Variants in SHQ1 observed in about 807,000 individuals in gnomAD.
SHQ1 encodes the protein SHQ1, H/ACA ribonucleoprotein assembly factor.
In SHQ1, 49 loss-of-function variants were observed where a neutral mutation model predicts 53.8. The observed-to-expected ratio is 0.91, with a 90% CI of 0.72 to 1.16. SHQ1 has a LOEUF of 1.16. Among genes scored for constraint, SHQ1 ranks in the 50% most tolerant of loss-of-function variants. The probability of loss-of-function intolerance (pLI) is 0.00; values close to 1 mark genes in which losing one functional copy is unlikely to be tolerated. For missense variants in SHQ1, 738 were observed against 683.1 expected, an observed-to-expected ratio of 1.08 and a Z score of -0.90; for synonymous variants, 243 against 251.0, an observed-to-expected ratio of 0.97 and a Z score of 0.30.
downstream of SHQ1, among the ~76,000 whole-genome samples, chr3:72,746,442 G>A (rs552075584): frequency 6.6e-6 from 1 of 152,258 alleles, no homozygotes; most frequent in East Asian, 1.9e-4. Context: ...AGGTGTTTTG[G>A]GTTACTGAGC....
intron 4 of SHQ1, among the ~76,000 whole-genome samples, chr3:72,836,019 CTG>C (rs1707980690): frequency 6.6e-6 from 1 of 152,242 alleles, no homozygotes; most frequent in African/African-American, 2.4e-5. Flanking sequence ...ATCTTCTTCA[CTG>C]TATCCCCATC....
At chr3:72,786,505 T>G (rs1706237656) in intron 10 of SHQ1, among the ~76,000 whole-genome samples, 1 of 152,172 alleles carries the variant, frequency 6.6e-6, no homozygotes, top group Admixed American at 6.5e-5. Context: ...CATATTCTTT[T>G]GTCTACTGTC....
chr3:72,734,017 A>T, the SHQ1 span, among the ~76,000 whole-genome samples: 290 of 150,932 alleles, frequency 1.9e-3, 7 homozygotes, highest in African/African-American at 6.7e-3. Flanking sequence ...AAAATACAAA[A>T]ATTAGGCACA....
chr3:72,838,836 G>C lies in SHQ1; in HGVS notation c.486+2209C>G, dbSNP rs567463227. On this transcript the variant is annotated intron_variant, in intron 4 of 10. Coordinates refer to ENST00000325599, the MANE Select transcript of SHQ1 (RefSeq NM_018130.3). ...GGAAACAGAGGGATGTAAACAAAAA[G>C]GGATTAGACAGGAGTCAACTATATT... is the stretch of plus-strand genomic sequence containing the variant. Among the ~76,000 whole-genome samples the C allele has an allele frequency of 2.6e-5, 4 of 152,140 alleles. No individual in the cohort carries two copies. The East Asian group carries it at 7.7e-4, about 29-fold the overall frequency.
chr3:72,750,651 T>C lies in SHQ1; in HGVS notation c.1367A>G (p.Asp456Gly). The change falls in exon 11 of 11, where the codon GAT becomes GGT. Residue 456 changes from aspartate (D) to glycine (G), a missense_variant. By Grantham distance (94) the Asp-to-Gly change is moderately conservative. Coordinates refer to ENST00000325599, the MANE Select transcript of SHQ1 (RefSeq NM_018130.3). ...CACGCTGCTGTCTGAGTCCTCCGAA[T>C]CACTTGCCTCAGAGCTGGAGCAAAG... is the stretch of plus-strand genomic sequence containing the variant. ...QTLCSSSEAS[D>G]SEDSDSSVSS... The C allele has an allele frequency of 6.2e-7, 1 of 1,613,658 alleles. No individual in the cohort carries two copies. Among genetic ancestry groups the C allele is most frequent in the Non-Finnish European group, 8.5e-7 (1 of 1,179,754 alleles).
intron 6 of SHQ1, 104 bp downstream of exon 6, chr3:72,824,320 T>C: frequency 5.9e-6 from 8 of 1,360,972 alleles, no homozygotes; most frequent in Non-Finnish European, 8.0e-6. Flanking sequence ...ATTTTAACAT[T>C]ATAAGGCAAT....
At position 72,791,667 on chromosome 3, in the gene SHQ1, A is replaced by G. The variant is rs185793051; in HGVS notation, c.1181+1249T>C. On this transcript the variant is annotated intron_variant, in intron 10 of 10. Coordinates refer to ENST00000325599, the MANE Select transcript of SHQ1 (RefSeq NM_018130.3). ...ATTGACATTGTAGCTATCATTTTCT[A>G]TAGCACCTAGGAGTCATTCCAATTA... Among the ~76,000 whole-genome samples, 8 of 152,288 alleles carry G rather than the reference A, an allele frequency of 5.3e-5. No individual in the cohort carries two copies. In the East Asian group the frequency reaches 1.5e-3, roughly 29 times the overall value.
At chr3:72,832,724 A>C (rs1707861051) in intron 4 of SHQ1, among the ~76,000 whole-genome samples, 1 of 152,220 alleles carries the variant, frequency 6.6e-6, no homozygotes, top group South Asian at 2.1e-4. Context: ...TGACTGACAG[A>C]TATTAAGGCT....
chr3:72,837,758 C>A (rs903216791), intron 4 of SHQ1, among the ~76,000 whole-genome samples: 2 of 152,206 alleles, frequency 1.3e-5, no homozygotes, highest in Admixed American at 1.3e-4. Context: ...GAATTAGGGT[C>A]ATATTATTAA....
At chr3:72,729,544 G>T in the SHQ1 span, among the ~76,000 whole-genome samples, 1 of 152,132 alleles carries the variant, frequency 6.6e-6, no homozygotes, top group Non-Finnish European at 1.5e-5. Flanking sequence ...TAAAGAAAAA[G>T]ATGCAAAATT....
At chr3:72,758,054 T>C (rs1166874731) in intron 10 of SHQ1, among the ~76,000 whole-genome samples, 5 of 152,208 alleles carry the variant, frequency 3.3e-5, no homozygotes, top group African/African-American at 7.2e-5. Context: ...TTCCATACTT[T>C]AGGTTCCTTG....
rs531601756 is a variant in SHQ1, at chr3:72,837,822, G to A, written c.486+3223C>T. On this transcript the variant is annotated intron_variant, in intron 4 of 10. Transcript: ENST00000325599. ...CTTGTTACGGCTGCCATAAACAGCAGCTGTGAATGAAGAAGAACTCTACAA... is the reference window on the plus strand; with the variant it reads ...CTTGTTACGGCTGCCATAAACAGCAACTGTGAATGAAGAAGAACTCTACAA... Among the ~76,000 whole-genome samples, 35 of 152,364 alleles carry A rather than the reference G, an allele frequency of 2.3e-4. No individual in the cohort carries two copies. The South Asian group carries it at 6.8e-3, about 30-fold the overall frequency.
the SHQ1 span, among the ~76,000 whole-genome samples, chr3:72,743,759 G>C: frequency 6.6e-6 from 1 of 152,180 alleles, no homozygotes; most frequent in African/African-American, 2.4e-5. Flanking sequence ...ATCCAAAGCT[G>C]AAACAGATAC....
intron 4 of SHQ1, among the ~76,000 whole-genome samples, chr3:72,836,770 C>G (rs1251819371): frequency 1.3e-5 from 2 of 152,148 alleles, no homozygotes; most frequent in Non-Finnish European, 2.9e-5. Flanking sequence ...GAGAAGTGTT[C>G]AACTACAGTA....
At chr3:72,795,735 T>C (rs1364601957) in intron 9 of SHQ1, 1 of 152,232 alleles carries the variant, frequency 6.6e-6, no homozygotes, top group Non-Finnish European at 1.5e-5. Context: ...TGAATAAGCT[T>C]CTCTGCTGTG....
At position 72,750,241 on chromosome 3, in the gene SHQ1, C is replaced by T. The variant is rs367754455; in HGVS notation, c.*43G>A. 269 of 1,426,312 alleles carry T rather than the reference C, an allele frequency of 1.9e-4. No individual in the cohort carries two copies. Among genetic ancestry groups the T allele is most frequent in the South Asian group, 5.1e-4 (39 of 76,402 alleles). The allele number at this position is 1,426,312 out of a possible 1,614,324, so 88.4% of individuals were successfully genotyped here. A position where few individuals can be genotyped will look rare whatever the true frequency, so the allele number is the denominator to read the frequency against. Reference sequence around the variant, plus strand: ...GAATTCTCATTCGGTAAATGAAACCCAATCTACCATATTTCTCAACAATGA... The same window carrying T: ...GAATTCTCATTCGGTAAATGAAACCTAATCTACCATATTTCTCAACAATGA... On this transcript the variant is annotated 3_prime_UTR_variant, in exon 11 of 11. Coordinates refer to ENST00000325599, the MANE Select transcript of SHQ1 (RefSeq NM_018130.3).
chr3:72,812,922 G>A (rs1271503123), intron 8 of SHQ1, 128 bp from the exon 9 acceptor site: 8 of 939,770 alleles, frequency 8.5e-6, no homozygotes, highest in Admixed American at 7.8e-5. Context: ...CCAAGTAGAA[G>A]AGAAACATAA....
intron 10 of SHQ1, among the ~76,000 whole-genome samples, chr3:72,754,543 G>T (rs371075426): frequency 6.6e-6 from 1 of 151,922 alleles, no homozygotes; most frequent in Non-Finnish European, 1.5e-5. Context: ...CACCATGCCC[G>T]ACTAATTTTA....
chr3:72,830,855 T>A (rs1707803402), intron 5 of SHQ1, among the ~76,000 whole-genome samples: 1 of 152,190 alleles, frequency 6.6e-6, no homozygotes, highest in African/African-American at 2.4e-5. Flanking sequence ...GCTTATAATA[T>A]CACACTGCTA....
Sources: gnomAD v4.1 joint callset for allele counts (sites outside exome capture counted in the v4.1 genomes callset) on GRCh38, gnomAD v4.1.1 for gene constraint, MANE v1.5 for transcripts, NCBI Gene and HGNC (gene_info 2026-07-23, HGNC 2026-07-21) for gene names.